The following ASPH variants were observed in gnomAD, a reference collection of about 807,000 sequenced individuals.
The protein encoded by ASPH is aspartyl/asparaginyl beta-hydroxylase.
ASPH carries 100 observed loss-of-function variants against 118.4 expected under a neutral mutation model. The observed-to-expected ratio is 0.84, with a 90% CI of 0.72 to 1.00. The LOEUF is 1.00. ASPH is among the 50% of genes least tolerant of loss of function. The pLI is 0.00. For synonymous variants in ASPH, 315 were observed against 325.6 expected, an observed-to-expected ratio of 0.97 and a Z score of 0.35; for missense variants, 920 against 919.5, an observed-to-expected ratio of 1.00 and a Z score of -0.01.
intron 14 of ASPH, among the ~76,000 whole-genome samples, chr8:61,599,723 G>C (rs1187851514): frequency 3.3e-5 from 5 of 151,926 alleles, no homozygotes; most frequent in Non-Finnish European, 7.4e-5. Flanking sequence ...GAACTAGGAA[G>C]AAACAGAAAC....
intron 1 of ASPH, among the ~76,000 whole-genome samples, chr8:61,705,846 T>C (rs563565101): frequency 8.5e-4 from 130 of 152,188 alleles, no homozygotes; most frequent in African/African-American, 3.0e-3. Flanking sequence ...AAGTGAAATA[T>C]ACTAATACCT....
chr8:61,679,093 A>G (rs1254450939), intron 3 of ASPH, among the ~76,000 whole-genome samples: 1 of 152,188 alleles, frequency 6.6e-6, no homozygotes, highest in Non-Finnish European at 1.5e-5. Flanking sequence ...CTCAAATGCT[A>G]TGAAATAAGA....
chr8:61,579,158 C>T, intron 15 of ASPH: 18 of 1,611,838 alleles, frequency 1.1e-5, no homozygotes, highest in Non-Finnish European at 1.5e-5. Context: ...TGAACTGGAA[C>T]ATCAGCCAGC....
At chr8:61,676,102 A>T in intron 3 of ASPH, 2 of 1,599,422 alleles carry the variant, frequency 1.3e-6, no homozygotes, top group Non-Finnish European at 1.7e-6. Context: ...CCAATATGAC[A>T]CAAGTCTTTC....
chr8:61,651,331 A>C, intron 4 of ASPH: 1 of 407,410 alleles, frequency 2.5e-6, no homozygotes, highest in Non-Finnish European at 4.3e-6. Flanking sequence ...CTGTCAACAG[A>C]CTTAAGCATT....
chr8:61,514,658 G>A (rs1000629014), intron 24 of ASPH, among the ~76,000 whole-genome samples: 6 of 152,080 alleles, frequency 3.9e-5, no homozygotes, highest in African/African-American at 1.4e-4. Context: ...GCAGTGAGCC[G>A]AGATCGCCCC....
chr8:61,562,839 G>C lies in ASPH; in HGVS notation c.1342C>G (p.Gln448Glu). The C allele has an allele frequency of 6.2e-7, 1 of 1,612,264 alleles. No homozygotes were observed. Among genetic ancestry groups the C allele is most frequent in the Non-Finnish European group, 8.5e-7 (1 of 1,179,320 alleles). ...GSLLTLQRLV[Q>E]LFPNDTSLKN... ...AAGGAAGTATCATTGGGAAATAGTTGAACTAATCTCTGCAGGGTAAGCAGG... is the reference window on the plus strand; with the variant it reads ...AAGGAAGTATCATTGGGAAATAGTTCAACTAATCTCTGCAGGGTAAGCAGG... The change falls in exon 18 of 25, where the codon CAA becomes GAA. Residue 448 changes from glutamine to glutamate, a missense_variant. Coordinates refer to ENST00000379454, the MANE Select transcript of ASPH (RefSeq NM_004318.4).
chr8:61,556,876 T>A (rs4319092), intron 18 of ASPH, among the ~76,000 whole-genome samples: 4 of 151,948 alleles, frequency 2.6e-5, no homozygotes, highest in Non-Finnish European at 4.4e-5. Flanking sequence ...ACAGCCACAG[T>A]AGGACTACAA....
intron 3 of ASPH, chr8:61,665,360 T>A: frequency 6.2e-7 from 1 of 1,613,922 alleles, no homozygotes. Context: ...ACTAGAAACA[T>A]CCTTCATATT....
At position 61,526,108 on chromosome 8, in the gene ASPH, A is replaced by G. The variant is rs1815216531; in HGVS notation, c.1769T>C (p.Leu590Ser). The G allele has an allele frequency of 1.2e-6, 2 of 1,613,816 alleles. No homozygotes were observed. The highest frequency in any genetic ancestry group is 1.7e-5 in the Admixed American group (1 of 59,992). ...TCGGATTAACTTCCAGTTTCTTTCT[A>G]AAGACTAGAGGGAAGATTCTGGCTT... is the stretch of plus-strand genomic sequence containing the variant. ...ETGYTELVKSLERNWKLIRDE... is the reference protein window; with the variant it reads ...ETGYTELVKSSERNWKLIRDE... Residue 590 changes from leucine to serine, a missense_variant, in exon 22 of 25, where the codon TTA becomes TCA. Transcript: ENST00000379454.
chr8:61,699,697 C>T (rs572914170), intron 1 of ASPH, among the ~76,000 whole-genome samples: 21 of 152,114 alleles, frequency 1.4e-4, no homozygotes, highest in African/African-American at 4.8e-4. Flanking sequence ...GAGGAAGGCA[C>T]ATAGTTTACT....
chr8:61,592,301 GC>G (rs1841380316), intron 14 of ASPH, among the ~76,000 whole-genome samples: 1 of 152,160 alleles, frequency 6.6e-6, no homozygotes, highest in Admixed American at 6.5e-5. Flanking sequence ...TGGGAAATGT[GC>G]CTGACTCTTA....
chr8:61,698,142 T>C (rs985012748), intron 1 of ASPH, among the ~76,000 whole-genome samples: 2 of 152,108 alleles, frequency 1.3e-5, no homozygotes, highest in African/African-American at 2.4e-5. Flanking sequence ...CAAAGAACAA[T>C]TGTTGAATTG....
chr8:61,579,723 T>C, intron 15 of ASPH: 1 of 1,001,120 alleles, frequency 1.0e-6, no homozygotes, highest in Non-Finnish European at 1.6e-6. Context: ...CCCCAGAGCC[T>C]GAGAAGGAGG....
chr8:61,615,278 T>G lies in ASPH; in HGVS notation c.976+3700A>C, dbSNP rs542002792. On this transcript the variant is annotated intron_variant, in intron 14 of 24. Transcript: ENST00000379454. Reference sequence around the variant, plus strand: ...TCGGAACTCTTCTCCCAGACGCCGGTGCAACTCCTGCCCTTGCCTCTTCAA... The same window carrying G: ...TCGGAACTCTTCTCCCAGACGCCGGGGCAACTCCTGCCCTTGCCTCTTCAA... Among the ~76,000 whole-genome samples, 8 of 152,268 alleles carry G rather than the reference T, an allele frequency of 5.3e-5. No individual in the cohort carries two copies. The East Asian group carries it at 1.5e-3, about 29-fold the overall frequency.
chr8:61,621,399 G>T (rs1242916437), intron 13 of ASPH, among the ~76,000 whole-genome samples: 1 of 151,356 alleles, frequency 6.6e-6, no homozygotes, highest in Non-Finnish European at 1.5e-5. Context: ...AAGTTTTATT[G>T]CTTAAATTTA....
At position 61,625,371 on chromosome 8, in the gene ASPH, C is replaced by T. The variant is rs191121826; in HGVS notation, c.935-6352G>A. ...GAGTTCATCTAGTAAGAGCACTGAG[C>T]GGTCTCTAGTGCTGGAGGGGAATTA... On this transcript the variant is annotated intron_variant, in intron 13 of 24. Coordinates refer to ENST00000379454, the MANE Select transcript of ASPH (RefSeq NM_004318.4). The T allele has an allele frequency of 2.2e-4, 212 of 985,710 alleles. 1 individual carries two copies. The East Asian group carries it at 8.5e-3, about 40-fold the overall frequency. The allele number at this position is 985,710 out of a possible 1,614,324, so 61.1% of individuals were successfully genotyped here.
intron 14 of ASPH, among the ~76,000 whole-genome samples, chr8:61,585,543 CT>C (rs1839160240): frequency 6.6e-6 from 1 of 152,168 alleles, no homozygotes; most frequent in Non-Finnish European, 1.5e-5. Flanking sequence ...TGTCTTGTGC[CT>C]TCTGAATGTC....
chr8:61,713,802 C>A (rs932362059), intron 1 of ASPH, among the ~76,000 whole-genome samples: 1 of 152,240 alleles, frequency 6.6e-6, no homozygotes, highest in Non-Finnish European at 1.5e-5. Context: ...CTTCCCTCCC[C>A]CTGCCCCCCG....
Sources: allele counts gnomAD v4.1 joint callset (sites outside exome capture counted in the v4.1 genomes callset), GRCh38; gene constraint gnomAD v4.1.1; transcripts MANE v1.5; gene names NCBI Gene and HGNC (gene_info 2026-07-23, HGNC 2026-07-21).